The following CALCOCO1 variants were observed in gnomAD, a reference collection of about 807,000 sequenced individuals.
CALCOCO1 encodes the protein calcium-binding and coiled-coil domain-containing protein 1.
A neutral mutation model predicts 86.3 loss-of-function variants in CALCOCO1; 44 were observed. That is an observed-to-expected ratio of 0.51 (90% CI 0.40 to 0.66). CALCOCO1 has a LOEUF of 0.66. Among genes scored for constraint, CALCOCO1 ranks in the 30% least tolerant of loss-of-function variants. The pLI is 0.00. For synonymous variants in CALCOCO1, 297 were observed against 327.6 expected (o/e 0.91, Z 1.01); for missense variants, 708 against 851.1 (o/e 0.83, Z 2.09).
intron 14 of CALCOCO1, 73 bp from the exon 15 acceptor site, chr12:53,712,194 G>A: frequency 1.4e-6 from 2 of 1,382,610 alleles, no homozygotes; most frequent in Non-Finnish European, 2.0e-6. Context: ...ACTTCGGAGA[G>A]CAGGACCCAT....
At chr12:53,714,767 C>G (rs1945679336) in intron 10 of CALCOCO1, 74 bp from the exon 11 acceptor site, 1 of 1,075,654 alleles carries the variant, frequency 9.3e-7, no homozygotes, top group Non-Finnish European at 1.4e-6. Context: ...GGACCAGGAC[C>G]AACAATCTAG....
At chr12:53,714,491 C>T (rs915959816) in intron 11 of CALCOCO1, 107 bp downstream of exon 11, 1 of 867,348 alleles carries the variant, frequency 1.2e-6, no homozygotes, top group African/African-American at 1.7e-5. Context: ...TACGGGCCCT[C>T]TTGGAGAGAA....
rs372287347 is a variant in CALCOCO1, at chr12:53,720,942, C to T, written c.758+525G>A. On this transcript the variant is annotated intron_variant, in intron 6 of 14. Coordinates refer to ENST00000550804, the MANE Select transcript of CALCOCO1 (RefSeq NM_020898.3). ...AATACAAGAGATACAAAAATGACAGCTGTCAAATGTTAAAGAGGCTGCCTC... is the reference window on the plus strand; with the variant it reads ...AATACAAGAGATACAAAAATGACAGTTGTCAAATGTTAAAGAGGCTGCCTC... Among the ~76,000 whole-genome samples, 43 of 152,344 alleles carry T rather than the reference C, an allele frequency of 2.8e-4. 1 individual carries two copies. The Middle Eastern group carries it at 0.01, about 36-fold the overall frequency.
chr12:53,714,093 G>C, intron 12 of CALCOCO1, 40 bp downstream of exon 12: 1 of 1,494,440 alleles, frequency 6.7e-7, no homozygotes, highest in Non-Finnish European at 9.3e-7. Flanking sequence ...GCGGGAGGTA[G>C]AGTGGGGAAG....
chr12:53,715,998 G>C lies in CALCOCO1; in HGVS notation c.1055C>G (p.Ala352Gly). The C allele has an allele frequency of 5.6e-6, 9 of 1,613,896 alleles. No individual in the cohort carries two copies. Among genetic ancestry groups the C allele is most frequent in the Non-Finnish European group, 7.6e-6 (9 of 1,180,042 alleles). ...KEQLRGAQEL[A>G]ASSQQKATLL... ...GGTGGCTTTCTGCTGGCTTGAGGCT[G>C]CAAGCTCCTGGGCCCCTCGAAGCTG... Residue 352 changes from alanine (A) to glycine (G), a missense_variant, in exon 9 of 15, where the codon GCA becomes GGA. Ala to Gly is a moderately conservative substitution (Grantham distance 60). Coordinates refer to ENST00000550804, the MANE Select transcript of CALCOCO1 (RefSeq NM_020898.3).
At chr12:53,725,003 T>G in intron 2 of CALCOCO1, 84 bp downstream of exon 2, 13 of 1,410,820 alleles carry the variant, frequency 9.2e-6, no homozygotes, top group South Asian at 2.8e-5. Context: ...AACCTGAGGT[T>G]GAGAATCCAA....
chr12:53,722,401 C>T (rs1593091803), intron 4 of CALCOCO1, among the ~76,000 whole-genome samples: 1 of 152,082 alleles, frequency 6.6e-6, no homozygotes, highest in African/African-American at 2.4e-5. Context: ...TCTCTCTTAC[C>T]CCTCCCCACT....
chr12:53,722,491 T>C (rs570557196), intron 4 of CALCOCO1, among the ~76,000 whole-genome samples: 2 of 152,292 alleles, frequency 1.3e-5, no homozygotes, highest in African/African-American at 4.8e-5. Context: ...ACACAAGGGA[T>C]GGGTCCCCTA....
intron 4 of CALCOCO1, among the ~76,000 whole-genome samples, chr12:53,722,508 C>G (rs1344477823): frequency 1.3e-5 from 2 of 152,174 alleles, no homozygotes; most frequent in African/African-American, 4.8e-5. Context: ...CCTAATTTTA[C>G]CCTATCTGCT....
intron 9 of CALCOCO1, 57 bp downstream of exon 9, chr12:53,715,736 C>T (rs1945706567): frequency 6.3e-7 from 1 of 1,591,144 alleles, no homozygotes; most frequent in Non-Finnish European, 8.5e-7. Flanking sequence ...ATGTAGGAGT[C>T]CCCACAGAGG....
At chr12:53,712,925 A>T in intron 14 of CALCOCO1, 175 bp downstream of exon 14, 2 of 1,349,368 alleles carry the variant, frequency 1.5e-6, no homozygotes, top group East Asian at 4.7e-5. Context: ...ACCTGAAGGC[A>T]TCTGGGATTT....
chr12:53,716,530 C>G (rs1945732650), intron 7 of CALCOCO1, 115 bp from the exon 8 acceptor site: 1 of 1,088,804 alleles, frequency 9.2e-7, no homozygotes, highest in South Asian at 1.5e-5. Context: ...AACACACACT[C>G]AAGCCTTCAG....
rs1945551512 is a variant in CALCOCO1, at chr12:53,711,586, G to C, written c.*358C>G. 1 of 288,020 alleles carries C rather than the reference G, an allele frequency of 3.5e-6. No individual in the cohort carries two copies. The highest frequency in any genetic ancestry group is 6.4e-6 in the Non-Finnish European group (1 of 156,430). The allele number at this position is 288,020 out of a possible 1,614,324, so 17.8% of individuals were successfully genotyped here. On this transcript the variant is annotated 3_prime_UTR_variant, in exon 15 of 15. Transcript: ENST00000550804. Reference sequence around the variant, plus strand: ...GCTTTGGGGCATCAGACAAGGGAGTGTGAGTGTGAGTGTGTGTGTGCAGTG... The same window carrying C: ...GCTTTGGGGCATCAGACAAGGGAGTCTGAGTGTGAGTGTGTGTGTGCAGTG...
chr12:53,719,308 T>C (rs901299273), intron 7 of CALCOCO1, among the ~76,000 whole-genome samples: 2 of 151,866 alleles, frequency 1.3e-5, no homozygotes, highest in Admixed American at 1.3e-4. Flanking sequence ...GGTGGATCAC[T>C]TGAGGTCAAG....
intron 8 of CALCOCO1, 68 bp downstream of exon 8, chr12:53,716,192 A>G (rs750276273): frequency 8.1e-6 from 13 of 1,597,288 alleles, no homozygotes; most frequent in Non-Finnish European, 1.0e-5. Flanking sequence ...TTCTCTTTAG[A>G]CACGCAGGCT....
intron 4 of CALCOCO1, chr12:53,722,811 C>T (rs1419732530): frequency 2.6e-6 from 1 of 388,478 alleles, no homozygotes; most frequent in Non-Finnish European, 5.0e-6. Context: ...GTAACATGAT[C>T]CCTTAGTCTG....
At position 53,712,731 on chromosome 12, in the gene CALCOCO1, C is replaced by T. The variant is rs188875860; in HGVS notation, c.1898+369G>A. On this transcript the variant is annotated intron_variant, in intron 14 of 14. Coordinates refer to ENST00000550804, the MANE Select transcript of CALCOCO1 (RefSeq NM_020898.3). The stretch of plus-strand genomic sequence containing the variant: ...TTCTCTCTGCTCCTATCCCTGGGGG[C>T]CATGGTCACCTCCCTTCCTCCCCGG... 66 of 1,101,938 alleles carry T rather than the reference C, an allele frequency of 6.0e-5. No homozygotes were observed. In the African/African-American group the frequency reaches 1.1e-3, roughly 18 times the overall value. The allele number at this position is 1,101,938 out of a possible 1,614,324, so 68.3% of individuals were successfully genotyped here.
chr12:53,726,951 G>A (rs1175172583), intron 1 of CALCOCO1, among the ~76,000 whole-genome samples: 2 of 152,114 alleles, frequency 1.3e-5, no homozygotes, highest in Non-Finnish European at 2.9e-5. Context: ...TCACATGATG[G>A]GGCGGAGAGC....
At position 53,711,790 on chromosome 12, in the gene CALCOCO1, T is replaced by G. The variant is rs1945559112; in HGVS notation, c.*154A>C. The stretch of plus-strand genomic sequence containing the variant: ...TAGGAGAGGATGAAGTGAGAAATCT[T>G]GGGATGAAAACAGGGCACACAGAAG... On this transcript the variant is annotated 3_prime_UTR_variant, in exon 15 of 15. Transcript: ENST00000550804. 1 of 615,022 alleles carries G rather than the reference T, an allele frequency of 1.6e-6. No individual in the cohort carries two copies. Among genetic ancestry groups the G allele is most frequent in the Non-Finnish European group, 2.5e-6 (1 of 397,398 alleles). 38.1% of individuals were successfully genotyped at this position (615,022 alleles called of 1,614,324 possible). A position where few individuals can be genotyped will look rare whatever the true frequency, so the allele number is the denominator to read the frequency against.
Sources: gnomAD v4.1 joint callset for allele counts (sites outside exome capture counted in the v4.1 genomes callset) on GRCh38, gnomAD v4.1.1 for gene constraint, MANE v1.5 for transcripts, NCBI Gene and HGNC (gene_info 2026-07-23, HGNC 2026-07-21) for gene names.